The following CACNA1I variants were observed in gnomAD, a reference collection of about 807,000 sequenced individuals.
CACNA1I encodes voltage-dependent T-type calcium channel subunit alpha-1I.
Under a neutral mutation model 201.6 loss-of-function variants are expected in CACNA1I, and 74 were observed. The ratio of observed to expected loss-of-function variants is 0.37; its 90% confidence interval spans 0.30 to 0.45. The LOEUF (loss-of-function observed/expected upper bound fraction) is 0.45. CACNA1I is among the 20% of genes least tolerant of loss of function. The probability of loss-of-function intolerance (pLI) is 1.00; values close to 1 mark genes in which losing one functional copy is unlikely to be tolerated. For synonymous variants in CACNA1I, 1,431 were observed against 1,345.2 expected (o/e 1.06, Z -1.40); for missense variants, 2,346 against 3,138.1 (o/e 0.75, Z 6.03).
intron 4 of CACNA1I, among the ~76,000 whole-genome samples, chr22:39,623,960 A>G (rs547865890): frequency 3.8e-5 from 5 of 133,132 alleles, no homozygotes; most frequent in Admixed American, 7.8e-5. Flanking sequence ...TGTGTGTGAA[A>G]GGGTGTGTAT....
In CACNA1I at chr22:39,660,475, G is replaced by A. The variant is rs371799958; in HGVS notation, c.2698+38G>A. On this transcript the variant is annotated intron_variant, in intron 15 of 36. Coordinates refer to ENST00000402142, the MANE Select transcript of CACNA1I (RefSeq NM_021096.4). ...TCGCTTGTCACCTAGAGAGCCCAGA[G>A]CCTTCTCCACAGATCCAGGTGGGCA... 6.0e-6 allele frequency: 9 copies of A among 1,493,190 alleles called. No individual in the cohort carries two copies. The African/African-American group carries it at 1.1e-4, about 18-fold the overall frequency. The allele number at this position is 1,493,190 out of a possible 1,614,324, so 92.5% of individuals were successfully genotyped here.
intron 3 of CACNA1I, among the ~76,000 whole-genome samples, chr22:39,602,917 C>T (rs139231039): frequency 4.0e-4 from 61 of 152,042 alleles, no homozygotes; most frequent in African/African-American, 1.3e-3. Flanking sequence ...TGTGGGAGGC[C>T]GAGGCAAGAG....
chr22:39,573,415 G>C (rs1223595777), intron 1 of CACNA1I, among the ~76,000 whole-genome samples: 1 of 152,092 alleles, frequency 6.6e-6, no homozygotes, highest in Non-Finnish European at 1.5e-5. Flanking sequence ...ATGGGCTCTG[G>C]CTGGGCTGGC....
At chr22:39,571,986 G>C (rs1932199660) in intron 1 of CACNA1I, among the ~76,000 whole-genome samples, 2 of 152,078 alleles carry the variant, frequency 1.3e-5, no homozygotes, top group South Asian at 4.2e-4. Flanking sequence ...GAGGGTAGTG[G>C]GAGGCAGGAG....
At chr22:39,658,051 C>T (rs1261509186) in intron 10 of CACNA1I, 101 bp from the exon 11 acceptor site, 29 of 1,284,232 alleles carry the variant, frequency 2.3e-5, no homozygotes, top group African/African-American at 2.2e-4. Flanking sequence ...GTGAGGACAC[C>T]GACCTGCCAG....
intron 24 of CACNA1I, 114 bp downstream of exon 24, chr22:39,668,495 TCC>T (rs1935263930): frequency 1.5e-6 from 1 of 677,378 alleles, no homozygotes; most frequent in Non-Finnish European, 2.7e-6. Context: ...CCCCAGTGTC[TCC>T]CCACTGTCAG....
intron 7 of CACNA1I, 90 bp downstream of exon 7, chr22:39,642,979 G>A: frequency 1.3e-6 from 1 of 780,864 alleles, no homozygotes; most frequent in Non-Finnish European, 2.1e-6. Context: ...AGTCCCTAGG[G>A]AGCCCCTCAG....
Position 39,608,389 on chromosome 22 carries a change from C to T in CACNA1I, c.482+7736C>T, listed in dbSNP as rs549346618. On this transcript the variant is annotated intron_variant, in intron 3 of 36. Coordinates refer to ENST00000402142, the MANE Select transcript of CACNA1I (RefSeq NM_021096.4). ...GCTGAGGTGGGAGGATATCTTGAGCCCAGGAGTTAGAGATCGGTCTGGGCA... is the reference window on the plus strand; with the variant it reads ...GCTGAGGTGGGAGGATATCTTGAGCTCAGGAGTTAGAGATCGGTCTGGGCA... Among the ~76,000 whole-genome samples the T allele has an allele frequency of 2.6e-5, 4 of 151,962 alleles. No individual in the cohort carries two copies. In the East Asian group the frequency reaches 7.7e-4, roughly 29 times the overall value.
rs531997031 is a variant in CACNA1I at position 39,627,982 on chromosome 22, C to T, written c.581-6583C>T. Among the ~76,000 whole-genome samples the T allele has an allele frequency of 7.2e-5, 11 of 152,188 alleles. No homozygotes were observed. The South Asian group carries it at 1.0e-3, about 14-fold the overall frequency. ...GAGAACATCTGGCCAGAGCATCTGG[C>T]GAGCGCTGGATTTGGGAACAGGAAA... On this transcript the variant is annotated intron_variant, in intron 4 of 36. Coordinates refer to ENST00000402142, the MANE Select transcript of CACNA1I (RefSeq NM_021096.4).
chr22:39,594,588 C>CT (rs1366687487), intron 1 of CACNA1I, among the ~76,000 whole-genome samples: 5 of 151,462 alleles, frequency 3.3e-5, no homozygotes, highest in African/African-American at 9.7e-5. Context: ...GAAGAGGCCA[C>CT]GAGTAGGCAG....
chr22:39,632,464 G>A (rs555046050), intron 4 of CACNA1I, among the ~76,000 whole-genome samples: 51 of 152,272 alleles, frequency 3.3e-4, no homozygotes, highest in African/African-American at 1.1e-3. Context: ...CCAAGGCTTC[G>A]CATCCTGGAG....
intron 1 of CACNA1I, among the ~76,000 whole-genome samples, chr22:39,590,238 G>A (rs1932806026): frequency 6.6e-6 from 1 of 152,212 alleles, no homozygotes; most frequent in Non-Finnish European, 1.5e-5. Flanking sequence ...ACCTTCTCAG[G>A]CCTTGGTGGC....
Position 39,678,038 on chromosome 22 carries a change from A to G in CACNA1I, c.4985A>G (p.Glu1662Gly). 6.2e-7 allele frequency: 1 copy of G among 1,605,986 alleles called. No homozygotes were observed. Among genetic ancestry groups the G allele is most frequent in the Non-Finnish European group, 8.5e-7 (1 of 1,176,420 alleles). ...GGCATGAGCCGGCATGCCACCTTCGAGAACTTCGGCATGGCCTTCCTCACA... is the reference window on the plus strand; with the variant it reads ...GGCATGAGCCGGCATGCCACCTTCGGGAACTTCGGCATGGCCTTCCTCACA... ...CEGMSRHATF[E>G]NFGMAFLTLF... Residue 1662 changes from glutamate (E) to glycine (G), a missense_variant, in exon 31 of 37, where the codon GAG (glutamate) becomes GGG (glycine). Coordinates refer to ENST00000402142, the MANE Select transcript of CACNA1I (RefSeq NM_021096.4).
At chr22:39,610,395 G>A (rs1000604123) in intron 3 of CACNA1I, among the ~76,000 whole-genome samples, 4 of 152,192 alleles carry the variant, frequency 2.6e-5, no homozygotes, top group African/African-American at 9.7e-5. Flanking sequence ...GACTGGGGAA[G>A]GTTCCAATAG....
intron 3 of CACNA1I, among the ~76,000 whole-genome samples, chr22:39,609,406 G>A (rs181131850): frequency 7.5e-4 from 115 of 152,368 alleles, no homozygotes; most frequent in African/African-American, 2.3e-3. Flanking sequence ...TCCTGAATCC[G>A]TGTTTTTCTG....
At chr22:39,641,992 G>A (rs1459035955) in intron 6 of CACNA1I, among the ~76,000 whole-genome samples, 1 of 152,172 alleles carries the variant, frequency 6.6e-6, no homozygotes, top group African/African-American at 2.4e-5. Context: ...CCTTTCTGCT[G>A]TCCTCAGAAA....
intron 4 of CACNA1I, among the ~76,000 whole-genome samples, chr22:39,627,171 A>T (rs534426097): frequency 5.8e-4 from 88 of 152,228 alleles, no homozygotes; most frequent in African/African-American, 2.0e-3. Context: ...ACCCCTGCCC[A>T]CTTCCAGGGT....
rs571535355 is a variant in CACNA1I at position 39,639,744 on chromosome 22, T to A, written c.741-1123T>A. 2.0e-5 allele frequency among the ~76,000 whole-genome samples: 3 copies of A among 152,314 alleles called. No homozygotes were observed. The East Asian group carries it at 5.8e-4, about 29-fold the overall frequency. ...GATGGGTCCCTCCTTTCTCTGCAGG[T>A]CTGAAAAGCCATCTCTGTGATATAC... On this transcript the variant is annotated intron_variant, in intron 5 of 36. Transcript: ENST00000402142.
Position 39,625,064 on chromosome 22 carries a change from C to T in CACNA1I, c.580+5657C>T, listed in dbSNP as rs934689554. Among the ~76,000 whole-genome samples, 527 of 152,070 alleles carry T rather than the reference C, an allele frequency of 3.5e-3. 8 individuals carry two copies. The highest frequency in any genetic ancestry group is 8.4e-4 in the Non-Finnish European group (57 of 67,990). ...CTGGGATTACAGGTGCCCACCACCA[C>T]GTCCAGCTAATTTTTGTATTTTTAG... On this transcript the variant is annotated intron_variant, in intron 4 of 36. Transcript: ENST00000402142.
Sources: allele counts gnomAD v4.1 joint callset (sites outside exome capture counted in the v4.1 genomes callset), GRCh38; gene constraint gnomAD v4.1.1; transcripts MANE v1.5; gene names NCBI Gene and HGNC (gene_info 2026-07-23, HGNC 2026-07-21).